MALRD1: variants seen among roughly 807,000 people sequenced by gnomAD.
MALRD1 encodes MAM and LDL-receptor class A domain-containing protein 1.
Under a neutral mutation model 242.1 loss-of-function variants are expected in MALRD1, and 247 were observed. The ratio of observed to expected loss-of-function variants is 1.02; its 90% CI spans 0.92 to 1.13. The LOEUF (loss-of-function observed/expected upper bound fraction) is 1.13. Among genes scored for constraint, MALRD1 ranks in the 50% most tolerant of loss-of-function variants. MALRD1 has a pLI of 0.00. For synonymous variants in MALRD1, 995 were observed against 866.6 expected (o/e 1.15, Z -2.60); for missense variants, 2,989 against 2,533.1 (o/e 1.18, Z -3.86).
At chr10:19,443,936 G>A (rs1834813283) in intron 28 of MALRD1, among the ~76,000 whole-genome samples, 1 of 151,604 alleles carries the variant, frequency 6.6e-6, no homozygotes, top group Non-Finnish European at 1.5e-5. Context: ...TTATTGTGTG[G>A]GAGTCTAAGT....
chr10:19,063,866 C>G (rs1834894510), intron 1 of MALRD1, among the ~76,000 whole-genome samples: 1 of 151,950 alleles, frequency 6.6e-6, no homozygotes, highest in African/African-American at 2.4e-5. Context: ...ATGGGTGCAG[C>G]ACACCAGCAT....
chr10:19,055,043 G>A (rs1221928561), intron 1 of MALRD1, among the ~76,000 whole-genome samples: 1 of 152,036 alleles, frequency 6.6e-6, no homozygotes, highest in Non-Finnish European at 1.5e-5. Flanking sequence ...CCTTATTTCT[G>A]TATTCTGCCA....
intron 1 of MALRD1, among the ~76,000 whole-genome samples, chr10:19,059,597 G>T (rs754469880): frequency 1.9e-4 from 29 of 151,894 alleles, no homozygotes; most frequent in Non-Finnish European, 4.3e-4. Flanking sequence ...TCACTGTGTT[G>T]GCCAGGCTGG....
In MALRD1 at chr10:19,622,182, A is replaced by G. The variant is rs139273570; in HGVS notation, c.6137+6259A>G. 5.6e-3 allele frequency among the ~76,000 whole-genome samples: 805 copies of G among 142,916 alleles called. 4 individuals carry two copies. Among genetic ancestry groups the G allele is most frequent in the African/African-American group, 0.019 (768 of 40,370 alleles). The allele number at this position is 142,916 out of a possible 152,430, so 93.8% of individuals were successfully genotyped here. A position where few individuals can be genotyped will look rare whatever the true frequency, so the allele number is the denominator to read the frequency against. On this transcript the variant is annotated intron_variant, in intron 36 of 39. Coordinates refer to ENST00000454679, the MANE Select transcript of MALRD1 (RefSeq NM_001142308.3). ...TAGTCACCAATAAGAAAAAAAAATTATTAAGAATCAGAAAAGAAGTTATCA... is the reference window on the plus strand; with the variant it reads ...TAGTCACCAATAAGAAAAAAAAATTGTTAAGAATCAGAAAAGAAGTTATCA...
intron 36 of MALRD1, among the ~76,000 whole-genome samples, chr10:19,649,888 G>T (rs541144930): frequency 6.6e-6 from 1 of 152,176 alleles, no homozygotes; most frequent in East Asian, 1.9e-4. Context: ...AATCCATCTT[G>T]AGTTGATTTT....
intron 20 of MALRD1, among the ~76,000 whole-genome samples, chr10:19,282,799 A>AT (rs1289768796): frequency 8.4e-6 from 1 of 118,976 alleles, no homozygotes; most frequent in Non-Finnish European, 1.9e-5. Context: ...TAGTATATGT[A>AT]TTTTTTCCTA....
At chr10:19,330,336 C>T (rs570874990) in intron 23 of MALRD1, among the ~76,000 whole-genome samples, 24 of 150,594 alleles carry the variant, frequency 1.6e-4, no homozygotes, top group African/African-American at 4.4e-4. Flanking sequence ...AAAGACTTAC[C>T]GCATCTGAAG....
At chr10:19,723,229 T>C (rs1157492476) in intron 38 of MALRD1, among the ~76,000 whole-genome samples, 1 of 152,208 alleles carries the variant, frequency 6.6e-6, no homozygotes, top group Non-Finnish European at 1.5e-5. Flanking sequence ...AAATATCTTT[T>C]GATAGATAAA....
chr10:19,239,160 G>A (rs771588759), intron 18 of MALRD1, among the ~76,000 whole-genome samples: 3 of 151,732 alleles, frequency 2.0e-5, no homozygotes, highest in Non-Finnish European at 4.4e-5. Flanking sequence ...CCTGGTTCAA[G>A]CAATTCCCCT....
In MALRD1 at chr10:19,324,026, C is replaced by G. The variant is rs190717256; in HGVS notation, c.3497C>G (p.Pro1166Arg). The change falls in exon 22 of 40, where the codon CCT becomes CGT. Residue 1166 changes from proline to arginine, a missense_variant. Transcript: ENST00000454679. ...GGTGACACGGCTGACATTCTCACTC[C>G]TATCATTTCACTCACGGGACCAAAA... ...KFGDTADILT[P>R]IISLTGPKCT... 5.2e-6 allele frequency: 8 copies of G among 1,550,674 alleles called. No individual in the cohort carries two copies. The East Asian group carries it at 2.0e-4, about 38-fold the overall frequency.
chr10:19,358,576 TACTA>T (rs1314975135), intron 26 of MALRD1, among the ~76,000 whole-genome samples: 2 of 152,218 alleles, frequency 1.3e-5, no homozygotes, highest in Middle Eastern at 3.2e-3. Context: ...TGACACTGCT[TACTA>T]ACTGTGTGAT....
At chr10:19,369,060 A>G (rs1845244905) in intron 26 of MALRD1, among the ~76,000 whole-genome samples, 1 of 147,836 alleles carries the variant, frequency 6.8e-6, no homozygotes, top group Non-Finnish European at 1.5e-5. Context: ...CCAGAGGAAT[A>G]TATTTATTAT....
intron 7 of MALRD1, among the ~76,000 whole-genome samples, chr10:19,127,027 A>G (rs1453814599): frequency 6.6e-6 from 1 of 152,118 alleles, no homozygotes. Context: ...CTGTTCCAGC[A>G]TTAGTTTGCT....
At chr10:19,481,034 A>G (rs1423629601) in intron 29 of MALRD1, among the ~76,000 whole-genome samples, 1 of 152,212 alleles carries the variant, frequency 6.6e-6, no homozygotes, top group African/African-American at 2.4e-5. Flanking sequence ...GTATATATAT[A>G]TACTTTTCTT....
intron 1 of MALRD1, 126 bp downstream of exon 1, chr10:19,049,263 T>A: frequency 4.8e-6 from 3 of 619,536 alleles, no homozygotes; most frequent in Non-Finnish European, 7.0e-6. Flanking sequence ...ATACCTTTAG[T>A]GTAGATCAGA....
At chr10:19,301,043 A>G (rs1034398889) in intron 21 of MALRD1, among the ~76,000 whole-genome samples, 6 of 151,944 alleles carry the variant, frequency 3.9e-5, no homozygotes, top group African/African-American at 1.4e-4. Context: ...CCGTTAGAAA[A>G]TGTGCAAAGG....
chr10:19,732,801 A>G (rs1418104978), intron 39 of MALRD1, among the ~76,000 whole-genome samples: 2 of 152,200 alleles, frequency 1.3e-5, no homozygotes, highest in Non-Finnish European at 2.9e-5. Context: ...AGGGGCCTCC[A>G]TCAAAGACCC....
chr10:19,094,362 C>T (rs1330841986), intron 4 of MALRD1, among the ~76,000 whole-genome samples: 3 of 128,528 alleles, frequency 2.3e-5, no homozygotes, highest in Non-Finnish European at 4.9e-5. Flanking sequence ...TTTCCAGGTG[C>T]GTCCGTCACC....
intron 29 of MALRD1, among the ~76,000 whole-genome samples, chr10:19,464,656 A>T (rs1317063670): frequency 6.6e-6 from 1 of 151,904 alleles, no homozygotes; most frequent in African/African-American, 2.4e-5. Flanking sequence ...ATGCCTTCAG[A>T]TTTGTTCTTT....
Sources: gnomAD v4.1 joint callset for allele counts (sites outside exome capture counted in the v4.1 genomes callset) on GRCh38, gnomAD v4.1.1 for gene constraint, MANE v1.5 for transcripts, NCBI Gene and HGNC (gene_info 2026-07-23, HGNC 2026-07-21) for gene names.